NETO2: variants seen among roughly 807,000 people sequenced by gnomAD.
NETO2 encodes neuropilin and tolloid like 2.
Under a neutral mutation model 62.5 loss-of-function variants are expected in NETO2, and 28 were observed. The ratio of observed to expected loss-of-function variants is 0.45; its 90% CI spans 0.33 to 0.61. NETO2 has a LOEUF of 0.61. Ranked by LOEUF, NETO2 falls within the 20% of genes least tolerant of loss-of-function variation. The pLI is 0.02. For missense variants in NETO2, 548 were observed against 643.2 expected, an observed-to-expected ratio of 0.85 and a Z score of 1.60; for synonymous variants, 214 against 219.1, an observed-to-expected ratio of 0.98 and a Z score of 0.21.
chr16:47,103,839 A>G (rs1039148677), intron 7 of NETO2, among the ~76,000 whole-genome samples: 6 of 152,256 alleles, frequency 3.9e-5, no homozygotes, highest in African/African-American at 1.2e-4. Flanking sequence ...ACAGGCTTTC[A>G]TAAGAACATT....
intron 3 of NETO2, 143 bp downstream of exon 3, chr16:47,129,081 G>A (rs1225778873): frequency 2.5e-6 from 2 of 788,746 alleles, no homozygotes; most frequent in Non-Finnish European, 4.1e-6. Context: ...TATTCAATAT[G>A]CAGAAATACT....
In NETO2 at chr16:47,083,521, C is replaced by T. The variant is rs761369508; in HGVS notation, c.1278G>A (p.Arg426=). The T allele has an allele frequency of 3.1e-6, 5 of 1,614,162 alleles. No individual in the cohort carries two copies. Among genetic ancestry groups the T allele is most frequent in the Non-Finnish European group, 4.2e-6 (5 of 1,180,048 alleles). ...SEELDNYQKM[R]RSSTASRCIH... ...TGCAGCGGGAGGCGGTGGAGGAGCG[C>T]CGCATCTTCTGGTAGTTGTCCAATT... Residue 426 remains arginine (R), a synonymous_variant, in exon 9 of 9, where the codon CGG becomes CGA. Coordinates refer to ENST00000562435, the MANE Select transcript of NETO2 (RefSeq NM_018092.5).
At chr16:47,112,618 C>T (rs996839367) in intron 6 of NETO2, among the ~76,000 whole-genome samples, 3 of 152,158 alleles carry the variant, frequency 2.0e-5, no homozygotes, top group African/African-American at 7.2e-5. Flanking sequence ...CCTCAGACTC[C>T]CAAAGTGCTG....
At chr16:47,109,791 C>A in intron 6 of NETO2, 80 bp from the exon 7 acceptor site, 2 of 958,200 alleles carry the variant, frequency 2.1e-6, no homozygotes, top group South Asian at 1.6e-5. Flanking sequence ...CCACAGACAA[C>A]ATGGGACACC....
At chr16:47,134,088 G>A (rs1052879917) in intron 1 of NETO2, among the ~76,000 whole-genome samples, 1 of 152,154 alleles carries the variant, frequency 6.6e-6, no homozygotes, top group African/African-American at 2.4e-5. Flanking sequence ...AGGGGTGAGG[G>A]AGGTGGAGGC....
chr16:47,086,134 A>G (rs2143801136), intron 8 of NETO2, 92 bp downstream of exon 8: 1 of 803,756 alleles, frequency 1.2e-6, no homozygotes, highest in Non-Finnish European at 2.2e-6. Flanking sequence ...CAGCTATGCT[A>G]AGCACTGTTG....
At chr16:47,133,671 G>A (rs2151492926) in intron 1 of NETO2, among the ~76,000 whole-genome samples, 1 of 148,222 alleles carries the variant, frequency 6.7e-6, no homozygotes, top group African/African-American at 2.5e-5. Flanking sequence ...TAAAAACATG[G>A]AGGCATGAGC....
chr16:47,097,410 G>C (rs1298634313), intron 7 of NETO2, among the ~76,000 whole-genome samples: 1 of 152,240 alleles, frequency 6.6e-6, no homozygotes, highest in Non-Finnish European at 1.5e-5. Context: ...CCACAGGGAA[G>C]TCTGAACTGG....
intron 7 of NETO2, among the ~76,000 whole-genome samples, chr16:47,091,872 C>T (rs1466058442): frequency 6.6e-6 from 1 of 151,966 alleles, no homozygotes; most frequent in Non-Finnish European, 1.5e-5. Context: ...GACAGAGTCT[C>T]ACTCTGTTGC....
At chr16:47,123,911 C>T (rs1374810709) in intron 4 of NETO2, among the ~76,000 whole-genome samples, 1 of 152,184 alleles carries the variant, frequency 6.6e-6, no homozygotes, top group Non-Finnish European at 1.5e-5. Context: ...GTTGGTCAGG[C>T]TGGTCTCAAA....
intron 6 of NETO2, among the ~76,000 whole-genome samples, chr16:47,121,976 C>G (rs1279210439): frequency 6.6e-6 from 1 of 152,066 alleles, no homozygotes; most frequent in African/African-American, 2.4e-5. Context: ...ATCATATTAC[C>G]CAATCTTTAA....
chr16:47,103,421 G>C (rs1963598809), intron 7 of NETO2, among the ~76,000 whole-genome samples: 1 of 151,956 alleles, frequency 6.6e-6, no homozygotes, highest in Non-Finnish European at 1.5e-5. Context: ...ATGTATCCCA[G>C]AACTTCAAGT....
rs573561806 is a variant in NETO2 at position 47,091,389 on chromosome 16, A to G, written c.884-5050T>C. Among the ~76,000 whole-genome samples the G allele has an allele frequency of 2.6e-5, 4 of 152,360 alleles. No individual in the cohort carries two copies. In the South Asian group the frequency reaches 8.3e-4, roughly 32 times the overall value. On this transcript the variant is annotated intron_variant, in intron 7 of 8. Transcript: ENST00000562435. ...TGTATATAGAGAAAATACCTTAACT[A>G]AAACACATTAGAGAAGAATTTCTCA...
intron 6 of NETO2, among the ~76,000 whole-genome samples, chr16:47,113,582 A>ATT (rs1963846035): frequency 8.3e-6 from 1 of 120,698 alleles, no homozygotes; most frequent in African/African-American, 3.1e-5. Flanking sequence ...ACCACAGTTT[A>ATT]TTCTTTTTTT....
chr16:47,133,231 G>C (rs991233619), intron 1 of NETO2, among the ~76,000 whole-genome samples: 1 of 152,072 alleles, frequency 6.6e-6, no homozygotes, highest in Non-Finnish European at 1.5e-5. Context: ...ACTCTGGTTG[G>C]ACCTTACAGT....
chr16:47,091,170 C>T (rs1001537177), intron 7 of NETO2, among the ~76,000 whole-genome samples: 7 of 152,188 alleles, frequency 4.6e-5, no homozygotes, highest in African/African-American at 1.7e-4. Flanking sequence ...TAATCACACA[C>T]ACTTTTTCTG....
At chr16:47,093,468 T>C (rs1244348686) in intron 7 of NETO2, among the ~76,000 whole-genome samples, 1 of 152,224 alleles carries the variant, frequency 6.6e-6, no homozygotes, top group African/African-American at 2.4e-5. Context: ...AATCCTACAC[T>C]GTCACTATTT....
intron 7 of NETO2, among the ~76,000 whole-genome samples, chr16:47,092,919 C>T (rs1963343385): frequency 6.6e-6 from 1 of 152,126 alleles, no homozygotes; most frequent in South Asian, 2.1e-4. Context: ...AGGTGACTGA[C>T]TCACTCTTTT....
chr16:47,117,665 T>C (rs560041405), intron 6 of NETO2, among the ~76,000 whole-genome samples: 1 of 152,190 alleles, frequency 6.6e-6, no homozygotes, highest in East Asian at 1.9e-4. Flanking sequence ...AAAATTCAGA[T>C]TTTTCTTTTA....
Sources: allele counts gnomAD v4.1 joint callset (sites outside exome capture counted in the v4.1 genomes callset), GRCh38; gene constraint gnomAD v4.1.1; transcripts MANE v1.5; gene names NCBI Gene and HGNC (gene_info 2026-07-23, HGNC 2026-07-21).